Variants in GALNT18 observed in about 807,000 individuals in gnomAD.
The protein encoded by GALNT18 is GalNAc-transferase 18.
In GALNT18, 44 loss-of-function variants were observed where a neutral mutation model predicts 69.5. The ratio of observed to expected loss-of-function variants is 0.63; its 90% CI spans 0.50 to 0.81. The LOEUF is 0.81. Ranked by LOEUF, GALNT18 falls within the 40% of genes least tolerant of loss-of-function variation. GALNT18 has a pLI of 0.00. For missense variants in GALNT18, 715 were observed against 810.0 expected, an observed-to-expected ratio of 0.88 and a Z score of 1.42; for synonymous variants, 364 against 318.2, an observed-to-expected ratio of 1.14 and a Z score of -1.53.
intron 3 of GALNT18, among the ~76,000 whole-genome samples, chr11:11,410,725 T>C (rs1305240220): frequency 6.6e-6 from 1 of 152,206 alleles, no homozygotes; most frequent in East Asian, 1.9e-4. Context: ...AGTTGAACGA[T>C]GGCTGTCTAA....
intron 1 of GALNT18, among the ~76,000 whole-genome samples, chr11:11,534,142 G>A (rs1409131998): frequency 2.0e-5 from 3 of 152,228 alleles, no homozygotes; most frequent in African/African-American, 7.2e-5. Context: ...TTGAACTAGG[G>A]CAACCAGACT....
chr11:11,621,440 G>T lies in GALNT18; in HGVS notation c.154C>A (p.Leu52Met). ...RGQEPAPDKK[L>M]EEDKGDTLKI... Reference sequence around the variant, plus strand: ...AGAGTGTCCCCTTTGTCTTCCTCCAGCTTCTTGTCGGGCGCCGGCTCCTGC... The same window carrying T: ...AGAGTGTCCCCTTTGTCTTCCTCCATCTTCTTGTCGGGCGCCGGCTCCTGC... Residue 52 changes from leucine to methionine, a missense_variant, in exon 1 of 11, where the codon CTG (leucine) becomes ATG (methionine). Leu to Met is a conservative substitution (Grantham distance 15, BLOSUM62 2). Transcript: ENST00000227756. The surrounding 1 kb of genome is among the most constrained non-coding windows in gnomAD (Gnocchi z 9.3). The T allele has an allele frequency of 6.2e-7, 1 of 1,614,152 alleles. No individual in the cohort carries two copies. Among genetic ancestry groups the T allele is most frequent in the Non-Finnish European group, 8.5e-7 (1 of 1,180,022 alleles).
chr11:11,441,659 C>T (rs988148642), intron 2 of GALNT18, among the ~76,000 whole-genome samples: 8 of 152,260 alleles, frequency 5.3e-5, no homozygotes, highest in African/African-American at 1.7e-4. Flanking sequence ...GTATGTTAAG[C>T]ATTTGTACAG....
chr11:11,286,095 T>C (rs931455068), intron 10 of GALNT18, among the ~76,000 whole-genome samples: 3 of 152,132 alleles, frequency 2.0e-5, no homozygotes, highest in African/African-American at 7.2e-5. Flanking sequence ...TGGGGTGTGG[T>C]GTCTGCCCTG....
At chr11:11,271,803 C>G (rs1462437835) in intron 10 of GALNT18, among the ~76,000 whole-genome samples, 2 of 152,204 alleles carry the variant, frequency 1.3e-5, no homozygotes, top group African/African-American at 4.8e-5. Context: ...CCCCTAAGTC[C>G]TGACATGCAT....
At chr11:11,328,033 T>C (rs550110885) in intron 8 of GALNT18, among the ~76,000 whole-genome samples, 5 of 152,070 alleles carry the variant, frequency 3.3e-5, no homozygotes, top group Non-Finnish European at 5.9e-5. Flanking sequence ...CTGTGATCAG[T>C]GGGTGGTGGC....
At chr11:11,528,054 C>T (rs771302824) in intron 1 of GALNT18, among the ~76,000 whole-genome samples, 4 of 152,262 alleles carry the variant, frequency 2.6e-5, no homozygotes, top group South Asian at 4.1e-4. Flanking sequence ...CCCCATTTTA[C>T]AAAGGAGGAA....
At chr11:11,354,293 C>G (rs1378152398) in intron 6 of GALNT18, among the ~76,000 whole-genome samples, 1 of 152,100 alleles carries the variant, frequency 6.6e-6, no homozygotes, top group Non-Finnish European at 1.5e-5. Context: ...CCTTCATTTC[C>G]CAGGTGAGCA....
chr11:11,621,713 C>T lies in GALNT18; in HGVS notation c.-120G>A. On this transcript the variant is annotated 5_prime_UTR_variant, in exon 1 of 11. Transcript: ENST00000227756. This position sits in a 1 kb window ranked among gnomAD's most constrained non-coding sequence, Gnocchi z 9.3. ...CCGCTGGGCACCTCAGCACCTGAGT[C>T]CCGAGGTTCTCCAAAGCCCGGTCCG... 1 of 713,258 alleles carries T rather than the reference C, an allele frequency of 1.4e-6. No homozygotes were observed. Among genetic ancestry groups the T allele is most frequent in the Non-Finnish European group, 2.3e-6 (1 of 432,912 alleles). 44.2% of individuals were successfully genotyped at this position (713,258 alleles called of 1,614,324 possible).
intron 3 of GALNT18, among the ~76,000 whole-genome samples, chr11:11,392,840 A>G (rs927333819): frequency 6.6e-6 from 1 of 152,192 alleles, no homozygotes; most frequent in African/African-American, 2.4e-5. Context: ...CCATTCTAAC[A>G]TAAGGAAATG....
chr11:11,333,203 T>A (rs147236329), intron 7 of GALNT18, among the ~76,000 whole-genome samples: 446 of 151,400 alleles, frequency 2.9e-3, no homozygotes, highest in Non-Finnish European at 4.9e-3. Flanking sequence ...AGCTTTAAGG[T>A]GAGAGAGAGG....
At chr11:11,545,221 G>A (rs990835450) in intron 1 of GALNT18, among the ~76,000 whole-genome samples, 11 of 152,344 alleles carry the variant, frequency 7.2e-5, no homozygotes, top group African/African-American at 2.6e-4. Flanking sequence ...CACAGCTTCT[G>A]CTTTTTCCAA....
chr11:11,440,294 G>A (rs543591291), intron 2 of GALNT18, among the ~76,000 whole-genome samples: 1 of 152,208 alleles, frequency 6.6e-6, no homozygotes, highest in Non-Finnish European at 1.5e-5. Flanking sequence ...TGGGGAATGT[G>A]GGATCCCTGG....
At chr11:11,474,044 A>G (rs546120094) in intron 1 of GALNT18, among the ~76,000 whole-genome samples, 27 of 152,358 alleles carry the variant, frequency 1.8e-4, no homozygotes, top group African/African-American at 5.8e-4. Context: ...AGCCTGGGCG[A>G]CAGAGTAAGA....
chr11:11,554,694 A>T (rs1215260177), intron 1 of GALNT18, among the ~76,000 whole-genome samples: 1 of 152,134 alleles, frequency 6.6e-6, no homozygotes, highest in Admixed American at 6.5e-5. Flanking sequence ...TCCATGGAAC[A>T]TCTTTTGGGA....
Position 11,573,731 on chromosome 11 carries a change from C to T in GALNT18, c.235+47628G>A, listed in dbSNP as rs1858851014. 1 of 152,162 alleles carries T rather than the reference C, an allele frequency of 6.6e-6. No homozygotes were observed. Among genetic ancestry groups the T allele is most frequent in the Non-Finnish European group, 1.5e-5 (1 of 68,034 alleles). The allele number at this position is 152,162 out of a possible 1,614,324, so 9.4% of individuals were successfully genotyped here. On this transcript the variant is annotated intron_variant, in intron 1 of 10. Transcript: ENST00000227756. The surrounding 1 kb of genome is among the most constrained non-coding windows in gnomAD (Gnocchi z 4.6). ...GAGATGGAAGGGGATATCCTATCTC[C>T]TATATTGTATCCTCATCATGGTCTC...
chr11:11,488,951 C>T (rs1395630763), intron 1 of GALNT18, among the ~76,000 whole-genome samples: 3 of 152,172 alleles, frequency 2.0e-5, no homozygotes, highest in African/African-American at 7.2e-5. Flanking sequence ...TGCCCTTGAC[C>T]CACGTGGCCT....
chr11:11,338,800 C>T lies in GALNT18; in HGVS notation c.1278+2019G>A, dbSNP rs1010175534. 2.6e-5 allele frequency among the ~76,000 whole-genome samples: 4 copies of T among 152,014 alleles called. No individual in the cohort carries two copies. Among genetic ancestry groups the T allele is most frequent in the African/African-American group, 9.7e-5 (4 of 41,392 alleles). ...GATGCGGAATAATGAGAGCAGTCTG[C>T]CAAGGATGGATCCCCCATGGAGCAT... On this transcript the variant is annotated intron_variant, in intron 7 of 10. Transcript: ENST00000227756. The surrounding 1 kb of genome is among the most constrained non-coding windows in gnomAD (Gnocchi z 5.3).
intron 2 of GALNT18, among the ~76,000 whole-genome samples, chr11:11,440,273 T>C (rs1855506279): frequency 6.6e-6 from 1 of 152,162 alleles, no homozygotes; most frequent in African/African-American, 2.4e-5. Context: ...CCCTAAGACA[T>C]CTTAGAAATC....
Sources: gnomAD v4.1 joint callset for allele counts (sites outside exome capture counted in the v4.1 genomes callset) on GRCh38, gnomAD v4.1.1 for gene constraint, Gnocchi (gnomAD v3.1) non-coding constraint, MANE v1.5 for transcripts, NCBI Gene and HGNC (gene_info 2026-07-23, HGNC 2026-07-21) for gene names.